The following TRPS1 variants were observed in gnomAD, a reference collection of about 807,000 sequenced individuals.
TRPS1 encodes zinc finger transcription factor Trps1.
A neutral mutation model predicts 101.2 loss-of-function variants in TRPS1; 6 were observed. The observed-to-expected ratio is 0.06, with a 90% CI of 0.03 to 0.12. The LOEUF (loss-of-function observed/expected upper bound fraction) is 0.12, where lower values mean the gene tolerates loss of function less well. Among genes scored for constraint, TRPS1 ranks in the 10% least tolerant of loss-of-function variants. TRPS1 has a pLI of 1.00. For missense variants in TRPS1, 1,363 were observed against 1,567.0 expected, an observed-to-expected ratio of 0.87 and a Z score of 2.20; for synonymous variants, 578 against 589.8, an observed-to-expected ratio of 0.98 and a Z score of 0.29.
At chr8:115,452,639 A>G in intron 5 of TRPS1, among the ~76,000 whole-genome samples, 1 of 152,174 alleles carries the variant, frequency 6.6e-6, no homozygotes, top group Admixed American at 6.5e-5. Flanking sequence ...GTTTGATGCC[A>G]TTAACTGAAA....
intron 5 of TRPS1, among the ~76,000 whole-genome samples, chr8:115,478,749 A>G (rs1298316607): frequency 1.3e-5 from 2 of 151,578 alleles, no homozygotes; most frequent in Non-Finnish European, 2.9e-5. Context: ...GCCTGCAGTG[A>G]GCCGAGATCA....
chr8:115,446,280 A>G (rs755601041), intron 5 of TRPS1, among the ~76,000 whole-genome samples: 3 of 150,744 alleles, frequency 2.0e-5, no homozygotes, highest in Non-Finnish European at 2.9e-5. Context: ...TATTACTTCT[A>G]TTTATTACTC....
chr8:115,601,139 A>C (rs566106471), intron 4 of TRPS1, among the ~76,000 whole-genome samples: 1 of 152,182 alleles, frequency 6.6e-6, no homozygotes, highest in Non-Finnish European at 1.5e-5. Context: ...CACATATTAT[A>C]CAGTTCATGG....
At chr8:115,631,468 A>G (rs1307030554) in intron 1 of TRPS1, among the ~76,000 whole-genome samples, 4 of 152,092 alleles carry the variant, frequency 2.6e-5, no homozygotes, top group Non-Finnish European at 5.9e-5. Context: ...GCTCATTTCC[A>G]TCATCAGCAC....
At chr8:115,628,855 G>A (rs1476232617) in intron 1 of TRPS1, among the ~76,000 whole-genome samples, 2 of 151,686 alleles carry the variant, frequency 1.3e-5, no homozygotes, top group Non-Finnish European at 3.0e-5. Flanking sequence ...GAAAATGAAA[G>A]GAGATTCCTT....
chr8:115,544,357 T>A (rs190674655), intron 5 of TRPS1, among the ~76,000 whole-genome samples: 3 of 151,788 alleles, frequency 2.0e-5, no homozygotes, highest in Non-Finnish European at 4.4e-5. Context: ...TTCCTGACCC[T>A]GAGGAATGTC....
At chr8:115,613,387 C>T (rs1205579931) in intron 3 of TRPS1, among the ~76,000 whole-genome samples, 1 of 152,178 alleles carries the variant, frequency 6.6e-6, no homozygotes, top group Non-Finnish European at 1.5e-5. Context: ...AGAAATCACC[C>T]AAGTCCCCAA....
intron 5 of TRPS1, among the ~76,000 whole-genome samples, chr8:115,425,435 T>C (rs1224574378): frequency 2.0e-5 from 3 of 152,214 alleles, no homozygotes; most frequent in South Asian, 4.1e-4. Context: ...CAGTGTAAAC[T>C]AAACTGGCAT....
At chr8:115,581,711 A>T (rs1817456830) in intron 5 of TRPS1, among the ~76,000 whole-genome samples, 1 of 152,190 alleles carries the variant, frequency 6.6e-6, no homozygotes, top group Non-Finnish European at 1.5e-5. Context: ...AATGTAAAAG[A>T]TGAATAATCA....
chr8:115,598,737 A>G (rs1817843529), intron 4 of TRPS1, among the ~76,000 whole-genome samples: 2 of 152,230 alleles, frequency 1.3e-5, no homozygotes, highest in African/African-American at 4.8e-5. Context: ...TTTGATGGGC[A>G]GAAAATACAA....
chr8:115,425,443 C>T (rs563045556), intron 5 of TRPS1, among the ~76,000 whole-genome samples: 1 of 152,188 alleles, frequency 6.6e-6, no homozygotes, highest in African/African-American at 2.4e-5. Flanking sequence ...ACTAAACTGG[C>T]ATCTCTGGCT....
chr8:115,577,038 A>G (rs1417611656), intron 5 of TRPS1, among the ~76,000 whole-genome samples: 1 of 152,218 alleles, frequency 6.6e-6, no homozygotes, highest in Non-Finnish European at 1.5e-5. Context: ...ACTAAGATTT[A>G]GATAAGCCAA....
Position 115,414,492 on chromosome 8 carries a change from T to C in TRPS1, c.3416A>G (p.His1139Arg). Reference protein sequence around the residue: ...KYKLSVPGNPHYLSHVPGLPN... With the variant: ...KYKLSVPGNPRYLSHVPGLPN... ...TAGGCCAGGCACGTGACTCAAGTAG[T>C]GCGGATTCCCAGGAACGGAGAGCTT... Residue 1139 changes from histidine to arginine, a missense_variant, in exon 7 of 7, where the codon CAC (histidine) becomes CGC (arginine). By Grantham distance (29) the His-to-Arg change is conservative (BLOSUM62 0). Coordinates refer to ENST00000395715, the MANE Select transcript of TRPS1 (RefSeq NM_014112.5). The surrounding 1 kb of genome is among the most constrained non-coding windows in gnomAD (Gnocchi z 4.8). The C allele has an allele frequency of 2.5e-6, 4 of 1,613,888 alleles. No individual in the cohort carries two copies. Among genetic ancestry groups the C allele is most frequent in the Non-Finnish European group, 3.4e-6 (4 of 1,179,940 alleles).
intron 5 of TRPS1, among the ~76,000 whole-genome samples, chr8:115,535,288 A>T (rs1173083325): frequency 2.0e-5 from 1 of 50,786 alleles, no homozygotes; most frequent in East Asian, 8.4e-4. Context: ...TATATAGCAT[A>T]TATATAGCAT....
rs1335053180 is a variant in TRPS1 at position 115,536,477 on chromosome 8, T to G, written c.2700+50524A>C. Reference sequence around the variant, plus strand: ...GGCGGAGCTTGCAGTGAGCGGAGATTGCGCCACTGCACTGCAGCCTGGGCG... The same window carrying G: ...GGCGGAGCTTGCAGTGAGCGGAGATGGCGCCACTGCACTGCAGCCTGGGCG... On this transcript the variant is annotated intron_variant, in intron 5 of 6. Coordinates refer to ENST00000395715, the MANE Select transcript of TRPS1 (RefSeq NM_014112.5). Among the ~76,000 whole-genome samples, 7 of 138,534 alleles carry G rather than the reference T, an allele frequency of 5.1e-5. No individual in the cohort carries two copies. The South Asian group carries it at 1.6e-3, about 31-fold the overall frequency. The allele number at this position is 138,534 out of a possible 152,430, so 90.9% of individuals were successfully genotyped here.
chr8:115,662,662 A>C (rs188863963), intron 1 of TRPS1, among the ~76,000 whole-genome samples: 1 of 151,348 alleles, frequency 6.6e-6, no homozygotes, highest in Admixed American at 6.6e-5. Context: ...TTGCCTGTGC[A>C]AAGTCAGAGA....
intron 4 of TRPS1, among the ~76,000 whole-genome samples, chr8:115,599,392 A>G (rs1281414227): frequency 6.6e-6 from 1 of 152,052 alleles, no homozygotes; most frequent in Non-Finnish European, 1.5e-5. Flanking sequence ...TTACACAGGT[A>G]TACATGTGCC....
intron 5 of TRPS1, among the ~76,000 whole-genome samples, chr8:115,443,462 G>A (rs1281743550): frequency 1.3e-5 from 2 of 152,090 alleles, no homozygotes; most frequent in Non-Finnish European, 1.5e-5. Context: ...TGCACAATCT[G>A]CTCGGTTCTC....
chr8:115,446,393 C>T (rs1366610207), intron 5 of TRPS1, among the ~76,000 whole-genome samples: 1 of 151,210 alleles, frequency 6.6e-6, no homozygotes, highest in Non-Finnish European at 1.5e-5. Flanking sequence ...TTTTCACCTG[C>T]ACCAGCTGCT....
Sources: allele counts gnomAD v4.1 joint callset (sites outside exome capture counted in the v4.1 genomes callset), GRCh38; gene constraint gnomAD v4.1.1; non-coding constraint Gnocchi (gnomAD v3.1); transcripts MANE v1.5; gene names NCBI Gene and HGNC (gene_info 2026-07-23, HGNC 2026-07-21).